Variants in DNAH8 observed in about 807,000 individuals in gnomAD.
DNAH8 encodes the protein dynein axonemal heavy chain 8.
DNAH8 carries 382 observed loss-of-function variants against 562.1 expected under a neutral mutation model. The ratio of observed to expected loss-of-function variants is 0.68; its 90% confidence interval spans 0.63 to 0.74. DNAH8 has a LOEUF of 0.74. Ranked by LOEUF, DNAH8 falls within the 30% of genes least tolerant of loss-of-function variation. DNAH8 has a pLI of 0.00. For synonymous variants in DNAH8, 1,881 were observed against 1,919.4 expected, an observed-to-expected ratio of 0.98 and a Z score of 0.52; for missense variants, 5,203 against 5,620.4, an observed-to-expected ratio of 0.93 and a Z score of 2.37.
chr6:38,788,142 T>G (rs910944847), intron 18 of DNAH8, among the ~76,000 whole-genome samples: 1 of 136,840 alleles, frequency 7.3e-6, no homozygotes, highest in African/African-American at 2.6e-5. Flanking sequence ...TAAATAAATT[T>G]CAGACTTTTC....
chr6:38,883,577 A>G, intron 55 of DNAH8, 121 bp downstream of exon 55: 1 of 1,152,638 alleles, frequency 8.7e-7, no homozygotes, highest in Non-Finnish European at 1.2e-6. Flanking sequence ...ATCATGCTGC[A>G]CTTGGCATTC....
In DNAH8 at chr6:38,723,682, T is replaced by C. The variant is rs572611608; in HGVS notation, c.525+211T>C. 3.9e-5 allele frequency among the ~76,000 whole-genome samples: 6 copies of C among 152,050 alleles called. No individual in the cohort carries two copies. In the East Asian group the frequency reaches 1.2e-3, roughly 29 times the overall value. ...TTGAGGCCAGGAGTTTGAGACTAGC[T>C]TGGGCAACATAGCAAAACTCCTGTC... On this transcript the variant is annotated intron_variant, in intron 3 of 92. Coordinates refer to ENST00000327475, the MANE Select transcript of DNAH8 (RefSeq NM_001206927.2).
intron 74 of DNAH8, among the ~76,000 whole-genome samples, 198 bp downstream of exon 74, chr6:38,926,408 C>T (rs1186398988): frequency 6.6e-6 from 1 of 151,752 alleles, no homozygotes. Flanking sequence ...GATCCTCCCT[C>T]CCCCTCTCTT....
intron 26 of DNAH8, among the ~76,000 whole-genome samples, chr6:38,821,659 G>C (rs528530410): frequency 6.6e-6 from 1 of 152,174 alleles, no homozygotes; most frequent in South Asian, 2.1e-4. Context: ...TGCCTTCTTG[G>C]CTGAAGCAAT....
intron 77 of DNAH8, 119 bp from the exon 78 acceptor site, chr6:38,937,855 C>T (rs1783093638): frequency 8.1e-7 from 1 of 1,228,490 alleles, no homozygotes; most frequent in Admixed American, 2.3e-5. Flanking sequence ...CAGTAGTCTT[C>T]CTGACTTTGG....
rs1382712035 is a variant in DNAH8, at chr6:38,851,553, C to T, written c.5364-19C>T. On this transcript the variant is annotated intron_variant, in intron 38 of 92. Transcript: ENST00000327475. ...GGAAAAAAAACCACTTGGTAACATACTGTCGACTTTATTTGAAGGTATTTG... is the reference window on the plus strand; with the variant it reads ...GGAAAAAAAACCACTTGGTAACATATTGTCGACTTTATTTGAAGGTATTTG... The T allele has an allele frequency of 6.6e-7, 1 of 1,516,676 alleles. No homozygotes were observed. Among genetic ancestry groups the T allele is most frequent in the Non-Finnish European group, 9.0e-7 (1 of 1,105,268 alleles). 94.0% of individuals were successfully genotyped at this position (1,516,676 alleles called of 1,614,324 possible). A position where few individuals can be genotyped will look rare whatever the true frequency, so the allele number is the denominator to read the frequency against.
At chr6:38,874,764 T>C (rs1432417997) in intron 52 of DNAH8, among the ~76,000 whole-genome samples, 1 of 152,186 alleles carries the variant, frequency 6.6e-6, no homozygotes, top group Non-Finnish European at 1.5e-5. Flanking sequence ...TTCTGATCTA[T>C]AGGTGATCTC....
At chr6:38,955,383 C>T (rs1305341237) in intron 82 of DNAH8, among the ~76,000 whole-genome samples, 1 of 152,036 alleles carries the variant, frequency 6.6e-6, no homozygotes, top group African/African-American at 2.4e-5. Flanking sequence ...GTAATCCCAG[C>T]ACTTTGGGAG....
At chr6:38,805,418 T>G in intron 22 of DNAH8, 63 bp from the exon 23 acceptor site, 1 of 988,368 alleles carries the variant, frequency 1.0e-6, no homozygotes, top group Non-Finnish European at 1.6e-6. Flanking sequence ...GATTTGGCCA[T>G]GTAGAATACA....
chr6:38,817,600 A>G (rs1772401347), intron 26 of DNAH8, among the ~76,000 whole-genome samples: 1 of 152,194 alleles, frequency 6.6e-6, no homozygotes, highest in Non-Finnish European at 1.5e-5. Flanking sequence ...GAGTGGCCCT[A>G]AAGGAGAGTG....
intron 24 of DNAH8, among the ~76,000 whole-genome samples, chr6:38,809,905 A>G (rs554520749): frequency 2.0e-4 from 30 of 152,262 alleles, no homozygotes; most frequent in Non-Finnish European, 1.5e-4. Flanking sequence ...AAATCCCTTT[A>G]TCTGTATTAA....
intron 71 of DNAH8, among the ~76,000 whole-genome samples, chr6:38,922,376 A>C (rs1781778541): frequency 6.6e-6 from 1 of 152,064 alleles, no homozygotes. Flanking sequence ...GTCACTGAGC[A>C]CAGATTTGGG....
intron 49 of DNAH8, among the ~76,000 whole-genome samples, chr6:38,871,554 A>G (rs1777465858): frequency 6.6e-6 from 1 of 152,196 alleles, no homozygotes; most frequent in African/African-American, 2.4e-5. Context: ...TTACAATGGT[A>G]ATACATTTCT....
At chr6:38,970,346 G>A (rs961643214) in intron 82 of DNAH8, among the ~76,000 whole-genome samples, 1 of 152,140 alleles carries the variant, frequency 6.6e-6, no homozygotes, top group African/African-American at 2.4e-5. Flanking sequence ...TATAGGCTGG[G>A]TGGGATTCTT....
At chr6:38,923,005 T>G in intron 71 of DNAH8, 53 bp from the exon 72 acceptor site, 1 of 1,564,982 alleles carries the variant, frequency 6.4e-7, no homozygotes, top group Non-Finnish European at 8.7e-7. Flanking sequence ...AATGGATGTT[T>G]GTGTTAAGCA....
Position 38,921,394 on chromosome 6 carries a change from G to A in DNAH8, c.10550G>A (p.Arg3517Gln), listed in dbSNP as rs779240075. 8.7e-6 allele frequency: 14 copies of A among 1,613,522 alleles called. No individual in the cohort carries two copies. Among genetic ancestry groups the A allele is most frequent in the South Asian group, 2.2e-5 (2 of 90,988 alleles). ...GCCAACCTGGCCAAGCAGGAAGGCC[G>A]GTTAGCAGTTGCTAATGCTGAGTTA... The part of the protein sequence containing the change: ...LKANLAKQEG[R>Q]LAVANAELGK... The change falls in exon 71 of 93, where the codon CGG (arginine) becomes CAG (glutamine). Residue 3517 changes from arginine (R) to glutamine (Q), a missense_variant. Around this residue, in one of 6 missense-constraint regions of DNAH8, gnomAD observed 1,399 missense variants for 1,518.4 expected, o/e 0.92. Transcript: ENST00000327475.
rs1459344355 is a variant in DNAH8 at position 38,938,055 on chromosome 6, A to T, written c.11645A>T (p.His3882Leu). The T allele has an allele frequency of 7.4e-6, 12 of 1,614,000 alleles. No individual in the cohort carries two copies. Among genetic ancestry groups the T allele is most frequent in the Middle Eastern group, 1.6e-4 (1 of 6,084 alleles). ...QTAAEVSEKL[H>L]VAAETEIKIN... ...GCAGCTGAGGTAAGTGAAAAGTTGC[A>T]TGTGGCTGCAGAAACTGAGATCAAG... Residue 3882 changes from histidine (H) to leucine (L), a missense_variant, in exon 78 of 93, where the codon CAT becomes CTT. His to Leu is a moderately conservative substitution (Grantham distance 99, BLOSUM62 -3). Transcript: ENST00000327475.
Position 38,860,648 on chromosome 6 carries a change from G to T in DNAH8, c.6131+19G>T, listed in dbSNP as rs527849962. ...CAGATAGGTAGGAAACCCAGTTTTCGTTTTTTATTTTGTAATTTTAAAATG... is the reference window on the plus strand; with the variant it reads ...CAGATAGGTAGGAAACCCAGTTTTCTTTTTTTATTTTGTAATTTTAAAATG... On this transcript the variant is annotated intron_variant, in intron 43 of 92. Transcript: ENST00000327475. The T allele has an allele frequency of 6.4e-5, 94 of 1,476,902 alleles. No homozygotes were observed. Among genetic ancestry groups the T allele is most frequent in the Non-Finnish European group, 7.4e-5 (82 of 1,113,034 alleles). The allele number at this position is 1,476,902 out of a possible 1,614,324, so 91.5% of individuals were successfully genotyped here. A position where few individuals can be genotyped will look rare whatever the true frequency, so the allele number is the denominator to read the frequency against.
Position 38,860,623 on chromosome 6 carries a change from CAGAT to C in DNAH8, c.6128_6131del (p.Arg2044AlafsTer5), listed in dbSNP as rs1342015611. The C allele has an allele frequency of 6.6e-7, 1 of 1,523,112 alleles. No homozygotes were observed. The highest frequency in any genetic ancestry group is 8.7e-7 in the Non-Finnish European group (1 of 1,146,540). The allele number at this position is 1,523,112 out of a possible 1,614,324, so 94.3% of individuals were successfully genotyped here. A position where few individuals can be genotyped will look rare whatever the true frequency, so the allele number is the denominator to read the frequency against. On this transcript the variant is annotated frameshift_variant and splice_region_variant, in exon 43 of 93. Coordinates refer to ENST00000327475, the MANE Select transcript of DNAH8 (RefSeq NM_001206927.2). LOFTEE classifies it high-confidence loss of function. ...GATCGTCTTGTTATCACTCCATTAA[CAGAT>C]AGGTAGGAAACCCAGTTTTCGTTTT...
Sources: gnomAD v4.1 joint callset for allele counts (sites outside exome capture counted in the v4.1 genomes callset) on GRCh38, gnomAD v4.1.1 for gene constraint, gnomAD v4.1.1 regional missense constraint, MANE v1.5 for transcripts, NCBI Gene and HGNC (gene_info 2026-07-23, HGNC 2026-07-21) for gene names.